Variants in SEC23IP observed in about 807,000 individuals in gnomAD.
SEC23IP encodes SEC23-interacting protein.
In SEC23IP, 70 loss-of-function variants were observed where a neutral mutation model predicts 113.4. That is an observed-to-expected ratio of 0.62 (90% CI 0.51 to 0.75). The LOEUF (loss-of-function observed/expected upper bound fraction) is 0.75. SEC23IP is among the 30% of genes least tolerant of loss of function. SEC23IP has a pLI of 0.00. For synonymous variants in SEC23IP, 398 were observed against 421.0 expected, an observed-to-expected ratio of 0.95 and a Z score of 0.67; for missense variants, 1,160 against 1,204.9, an observed-to-expected ratio of 0.96 and a Z score of 0.55.
intron 13 of SEC23IP, among the ~76,000 whole-genome samples, chr10:119,928,713 C>T (rs1855496687): frequency 6.6e-6 from 1 of 152,200 alleles, no homozygotes; most frequent in South Asian, 2.1e-4. Flanking sequence ...TACTGAGAAA[C>T]AAATGAAAGA....
chr10:119,907,144 A>G (rs963171046), intron 4 of SEC23IP, among the ~76,000 whole-genome samples: 4 of 151,774 alleles, frequency 2.6e-5, no homozygotes, highest in African/African-American at 9.7e-5. Context: ...TAAAAATACA[A>G]AATTAGCCAG....
chr10:119,905,422 G>A (rs1414386094), intron 4 of SEC23IP, among the ~76,000 whole-genome samples: 2 of 152,072 alleles, frequency 1.3e-5, no homozygotes, highest in Admixed American at 6.5e-5. Flanking sequence ...ATTTTATATG[G>A]GTGACATAGA....
In SEC23IP at chr10:119,904,016, A is replaced by G. The variant is rs1005468032; in HGVS notation, c.908-68A>G. The G allele has an allele frequency of 1.8e-5, 27 of 1,533,962 alleles. No individual in the cohort carries two copies. The African/African-American group carries it at 2.7e-4, about 16-fold the overall frequency. On this transcript the variant is annotated intron_variant, in intron 3 of 18. Transcript: ENST00000369075. ...ATTACAGGCATGAGCCACTGCGCCC[A>G]GCAGATTATTTATTATTTTACAATA...
chr10:119,903,531 T>C (rs1223958613), intron 3 of SEC23IP, among the ~76,000 whole-genome samples: 1 of 152,200 alleles, frequency 6.6e-6, no homozygotes, highest in Non-Finnish European at 1.5e-5. Context: ...TATGTAGATA[T>C]TATTGTTCTG....
At chr10:119,924,722 C>T (rs906314056) in intron 12 of SEC23IP, among the ~76,000 whole-genome samples, 5 of 151,776 alleles carry the variant, frequency 3.3e-5, no homozygotes, top group Admixed American at 1.3e-4. Flanking sequence ...TGAGATAACA[C>T]CTTTTATATA....
intron 15 of SEC23IP, among the ~76,000 whole-genome samples, chr10:119,930,975 G>T (rs35652071): frequency 6.6e-6 from 1 of 152,062 alleles, no homozygotes; most frequent in Non-Finnish European, 1.5e-5. Context: ...AAGTGATTAC[G>T]CACTCTTATG....
chr10:119,901,182 A>T (rs1315507334), intron 2 of SEC23IP, among the ~76,000 whole-genome samples: 1 of 151,304 alleles, frequency 6.6e-6, no homozygotes, highest in Non-Finnish European at 1.5e-5. Flanking sequence ...TGATTTTTAG[A>T]TTTTTTTGTA....
chr10:119,897,494 G>T (rs1854317181), intron 1 of SEC23IP, among the ~76,000 whole-genome samples: 1 of 152,114 alleles, frequency 6.6e-6, no homozygotes, highest in Admixed American at 6.5e-5. Flanking sequence ...TGATTTTAGG[G>T]AATGGCAATT....
chr10:119,918,134 A>G, intron 9 of SEC23IP, 90 bp downstream of exon 9: 1 of 1,070,800 alleles, frequency 9.3e-7, no homozygotes, highest in South Asian at 1.5e-5. Flanking sequence ...TGCAAAATTA[A>G]GAATTACAGA....
intron 18 of SEC23IP, among the ~76,000 whole-genome samples, chr10:119,940,183 G>A (rs1021729517): frequency 1.4e-5 from 2 of 141,506 alleles, no homozygotes; most frequent in Non-Finnish European, 3.1e-5. Context: ...GCACTGGATT[G>A]TCCATTTTTT....
At chr10:119,915,999 T>C (rs1855038878) in intron 8 of SEC23IP, 110 bp downstream of exon 8, 1 of 936,254 alleles carries the variant, frequency 1.1e-6, no homozygotes, top group East Asian at 3.1e-5. Context: ...TTTTTAAAAA[T>C]TGTATACTTC....
intron 12 of SEC23IP, among the ~76,000 whole-genome samples, chr10:119,924,443 CG>C (rs1307278336): frequency 1.3e-5 from 2 of 150,538 alleles, no homozygotes; most frequent in East Asian, 1.9e-4. Context: ...TTTTTTGAGA[CG>C]GAGTCCCGCT....
chr10:119,914,641 A>C (rs777552185), intron 6 of SEC23IP, 89 bp from the exon 7 acceptor site: 135 of 1,017,520 alleles, frequency 1.3e-4, no homozygotes, highest in East Asian at 7.1e-5. Context: ...CAAGTTTGTG[A>C]TGACGAAAGG....
rs2134555114 is a variant in SEC23IP at position 119,944,140 on chromosome 10, G to A, written c.*3575G>A. On this transcript the variant is annotated 3_prime_UTR_variant, in exon 19 of 19. Transcript: ENST00000369075. ...CCCCACGTGTCAGGGGAGGGACCTG[G>A]TGGGAGGTGATTGGATCATGGGGGC... 6.6e-6 allele frequency: 1 copy of A among 152,284 alleles called. No homozygotes were observed. The highest frequency in any genetic ancestry group is 6.5e-5 in the Admixed American group (1 of 15,296). The allele number at this position is 152,284 out of a possible 1,614,324, so 9.4% of individuals were successfully genotyped here.
intron 5 of SEC23IP, among the ~76,000 whole-genome samples, chr10:119,910,170 A>G (rs913476592): frequency 6.6e-6 from 1 of 152,248 alleles, no homozygotes; most frequent in African/African-American, 2.4e-5. Flanking sequence ...ATAAAAACAG[A>G]TGGCCAGATT....
chr10:119,921,475 T>C lies in SEC23IP; in HGVS notation c.2121+491T>C, dbSNP rs139900688. Among the ~76,000 whole-genome samples the C allele has an allele frequency of 2.4e-4, 37 of 152,342 alleles. No individual in the cohort carries two copies. The East Asian group carries it at 3.9e-3, about 16-fold the overall frequency. The stretch of plus-strand genomic sequence containing the variant: ...TCTTAATTTTTCTGATCCTTTGTTT[T>C]CTTCATTTCTAAAATGGAATAATAC... On this transcript the variant is annotated intron_variant, in intron 12 of 18. Coordinates refer to ENST00000369075, the MANE Select transcript of SEC23IP (RefSeq NM_007190.4).
chr10:119,909,194 G>A, intron 5 of SEC23IP, 64 bp downstream of exon 5: 5 of 1,110,408 alleles, frequency 4.5e-6, no homozygotes, highest in Non-Finnish European at 6.6e-6. Context: ...GTGTATGTTT[G>A]ATAAATTGTT....
At chr10:119,916,859 A>T (rs772835159) in intron 8 of SEC23IP, among the ~76,000 whole-genome samples, 22 of 152,172 alleles carry the variant, frequency 1.4e-4, no homozygotes, top group Admixed American at 1.3e-4. Flanking sequence ...GGCACAAATA[A>T]CTTTAAAAAA....
chr10:119,926,380 T>C (rs1269740868), intron 13 of SEC23IP, among the ~76,000 whole-genome samples, 153 bp downstream of exon 13: 3 of 152,216 alleles, frequency 2.0e-5, no homozygotes, highest in African/African-American at 7.2e-5. Flanking sequence ...TTTTTCTTCT[T>C]CAACAGTGCT....
Sources: allele counts gnomAD v4.1 joint callset (sites outside exome capture counted in the v4.1 genomes callset), GRCh38; gene constraint gnomAD v4.1.1; transcripts MANE v1.5; gene names NCBI Gene and HGNC (gene_info 2026-07-23, HGNC 2026-07-21).